DACH1: variants seen among roughly 807,000 people sequenced by gnomAD.
The protein encoded by DACH1 is dachshund family transcription factor 1, also known as dachshund homolog 1.
A neutral mutation model predicts 54.2 loss-of-function variants in DACH1; 12 were observed. The ratio of observed to expected loss-of-function variants is 0.22; its 90% CI spans 0.14 to 0.36. The LOEUF is 0.36. DACH1 is among the 10% of genes least tolerant of loss of function. The probability of loss-of-function intolerance (pLI) is 1.00; values close to 1 mark genes in which losing one functional copy is unlikely to be tolerated. For missense variants in DACH1, 805 were observed against 929.8 expected (o/e 0.87, Z 1.75); for synonymous variants, 386 against 366.2 (o/e 1.05, Z -0.62).
chr13:71,606,795 C>A (rs570491048), intron 3 of DACH1, among the ~76,000 whole-genome samples: 36 of 152,100 alleles, frequency 2.4e-4, no homozygotes, highest in South Asian at 6.2e-4. Flanking sequence ...TAAATATTTT[C>A]ATTTTCATTT....
At chr13:71,810,054 TA>T (rs1398177805) in intron 1 of DACH1, among the ~76,000 whole-genome samples, 2 of 152,118 alleles carry the variant, frequency 1.3e-5, no homozygotes, top group Non-Finnish European at 2.9e-5. Flanking sequence ...TACAAAAATG[TA>T]GAAAGAGAAA....
At chr13:71,726,202 C>T (rs1024929376) in intron 1 of DACH1, among the ~76,000 whole-genome samples, 1 of 151,918 alleles carries the variant, frequency 6.6e-6, no homozygotes, top group African/African-American at 2.4e-5. Flanking sequence ...GCGAATAGAC[C>T]GCATGTTGAA....
chr13:71,465,820 T>C (rs1381040668), intron 10 of DACH1, among the ~76,000 whole-genome samples: 1 of 152,110 alleles, frequency 6.6e-6, no homozygotes, highest in East Asian at 1.9e-4. Flanking sequence ...TAGTAAAAAG[T>C]ATCATCGGTA....
rs920821738 is a variant in DACH1 at position 71,528,474 on chromosome 13, C to T, written c.1570+28550G>A. 9.1e-5 allele frequency among the ~76,000 whole-genome samples: 12 copies of T among 132,268 alleles called. No individual in the cohort carries two copies. The East Asian group carries it at 2.5e-3, about 27-fold the overall frequency. 86.8% of individuals were successfully genotyped at this position (132,268 alleles called of 152,430 possible). A position where few individuals can be genotyped will look rare whatever the true frequency, so the allele number is the denominator to read the frequency against. ...ACTGAGTCTCGCTCTGTCGCCCAGG[C>T]TGGAGTGCAGTGGCGTGATTTCGGC... On this transcript the variant is annotated intron_variant, in intron 6 of 10. Coordinates refer to ENST00000613252, the MANE Select transcript of DACH1 (RefSeq NM_080759.6).
intron 1 of DACH1, among the ~76,000 whole-genome samples, chr13:71,821,852 A>T (rs1351499387): frequency 1.3e-5 from 2 of 152,040 alleles, no homozygotes; most frequent in Non-Finnish European, 1.5e-5. Context: ...CACAAGGTCA[A>T]AAGATCGAGA....
In DACH1 at chr13:71,438,750, A is replaced by G. The variant is rs1209359477; in HGVS notation, c.*1905T>C. On this transcript the variant is annotated 3_prime_UTR_variant, in exon 11 of 11. Coordinates refer to ENST00000613252, the MANE Select transcript of DACH1 (RefSeq NM_080759.6). ...TTTTAAGTGTTGTAATCCTTTAAAG[A>G]CTGCATATAGGGAAACAAACACATA... is the stretch of plus-strand genomic sequence containing the variant. The G allele has an allele frequency of 6.6e-6, 1 of 152,470 alleles. No homozygotes were observed. Among genetic ancestry groups the G allele is most frequent in the Non-Finnish European group, 1.5e-5 (1 of 67,890 alleles). The allele number at this position is 152,470 out of a possible 1,614,324, so 9.4% of individuals were successfully genotyped here. A position where few individuals can be genotyped will look rare whatever the true frequency, so the allele number is the denominator to read the frequency against.
chr13:71,454,673 C>T (rs939570165), intron 10 of DACH1, among the ~76,000 whole-genome samples: 3 of 152,172 alleles, frequency 2.0e-5, no homozygotes, highest in Non-Finnish European at 4.4e-5. Flanking sequence ...GTCTAGCACT[C>T]TTGAGGACAG....
intron 6 of DACH1, among the ~76,000 whole-genome samples, chr13:71,534,025 C>T (rs1001356041): frequency 1.3e-5 from 2 of 152,004 alleles, no homozygotes; most frequent in Admixed American, 6.6e-5. Flanking sequence ...CAGCACTCCT[C>T]GTGATAACTG....
intron 1 of DACH1, among the ~76,000 whole-genome samples, chr13:71,848,121 T>C (rs1227709810): frequency 6.6e-6 from 1 of 152,114 alleles, no homozygotes; most frequent in Non-Finnish European, 1.5e-5. Context: ...AAATCAGAGA[T>C]TCAATAATAC....
At chr13:71,623,605 T>C (rs1265264396) in intron 3 of DACH1, among the ~76,000 whole-genome samples, 2 of 151,830 alleles carry the variant, frequency 1.3e-5, no homozygotes, top group African/African-American at 4.8e-5. Flanking sequence ...TACTTCTGAT[T>C]TTTTATTTTA....
intron 5 of DACH1, among the ~76,000 whole-genome samples, chr13:71,559,332 C>A (rs1264506808): frequency 6.6e-6 from 1 of 152,086 alleles, no homozygotes; most frequent in East Asian, 1.9e-4. Context: ...CCATTGACCA[C>A]CTGAATGACT....
intron 10 of DACH1, among the ~76,000 whole-genome samples, chr13:71,444,942 A>G (rs1056797231): frequency 6.6e-6 from 1 of 151,930 alleles, no homozygotes; most frequent in African/African-American, 2.4e-5. Context: ...CTCTCTCCCT[A>G]CTTCCCCTTC....
intron 2 of DACH1, among the ~76,000 whole-genome samples, chr13:71,663,372 GAA>G (rs1216124102): frequency 1.3e-5 from 2 of 151,732 alleles, no homozygotes; most frequent in Admixed American, 6.6e-5. Flanking sequence ...AAACATAAGA[GAA>G]AAAAATGCAA....
intron 6 of DACH1, among the ~76,000 whole-genome samples, chr13:71,552,828 TATATATATATATATAGAGAGAGAGAGAG>T (rs1406048583): frequency 4.3e-5 from 2 of 46,186 alleles, no homozygotes; most frequent in South Asian, 7.1e-4. Context: ...TATATATATA[TATATATATATATATAGAGAGAGAGAGAG>T]AGAGAGAGAG....
intron 4 of DACH1, among the ~76,000 whole-genome samples, chr13:71,569,253 T>G (rs1166194022): frequency 6.6e-6 from 1 of 152,126 alleles, no homozygotes; most frequent in African/African-American, 2.4e-5. Context: ...GAGATTCATG[T>G]GGGTTTGGGA....
At chr13:71,614,934 T>TC (rs1444825364) in intron 3 of DACH1, among the ~76,000 whole-genome samples, 1 of 151,708 alleles carries the variant, frequency 6.6e-6, no homozygotes, top group Non-Finnish European at 1.5e-5. Context: ...ATCAGTTTTT[T>TC]TTTTAAAAAA....
intron 10 of DACH1, among the ~76,000 whole-genome samples, chr13:71,451,069 ATCG>A (rs1458161908): frequency 6.6e-6 from 1 of 152,166 alleles, no homozygotes. Context: ...CATCATCATC[ATCG>A]TCAACTATCT....
At chr13:71,738,159 A>C (rs1034655805) in intron 1 of DACH1, among the ~76,000 whole-genome samples, 3 of 152,158 alleles carry the variant, frequency 2.0e-5, no homozygotes, top group Non-Finnish European at 4.4e-5. Flanking sequence ...GGGTTTGATA[A>C]ATTTTCATCA....
intron 1 of DACH1, among the ~76,000 whole-genome samples, chr13:71,854,684 C>T (rs926211550): frequency 6.6e-6 from 1 of 152,064 alleles, no homozygotes; most frequent in Non-Finnish European, 1.5e-5. Context: ...TTAAGACCAG[C>T]ACAATGATCT....
Sources: allele counts gnomAD v4.1 joint callset (sites outside exome capture counted in the v4.1 genomes callset), GRCh38; gene constraint gnomAD v4.1.1; transcripts MANE v1.5; gene names NCBI Gene and HGNC (gene_info 2026-07-23, HGNC 2026-07-21).